Variants in PRTG observed in about 807,000 individuals in gnomAD.
PRTG encodes the protein protogenin.
A neutral mutation model predicts 122.5 loss-of-function variants in PRTG; 67 were observed. That is an observed-to-expected ratio of 0.55 (90% CI 0.45 to 0.67). The LOEUF (loss-of-function observed/expected upper bound fraction) is 0.67, where lower values mean the gene tolerates loss of function less well. Ranked by LOEUF, PRTG falls within the 30% of genes least tolerant of loss-of-function variation. The pLI, the probability that PRTG is intolerant of heterozygous loss-of-function variation, is 0.00. For missense variants in PRTG, 1,435 were observed against 1,415.4 expected (o/e 1.01, Z -0.22); for synonymous variants, 554 against 501.1 (o/e 1.11, Z -1.41).
chr15:55,640,483 A>C (rs944722780), intron 12 of PRTG, among the ~76,000 whole-genome samples: 1 of 152,210 alleles, frequency 6.6e-6, no homozygotes, highest in African/African-American at 2.4e-5. Context: ...AAAGACACTG[A>C]GAAAACCAGT....
At position 55,693,138 on chromosome 15, in the gene PRTG, C is replaced by T. The variant is rs534977540; in HGVS notation, c.398-9207G>A. 4.7e-4 allele frequency among the ~76,000 whole-genome samples: 71 copies of T among 152,086 alleles called. 1 individual carries two copies. The East Asian group carries it at 8.2e-3, about 18-fold the overall frequency. On this transcript the variant is annotated intron_variant, in intron 2 of 19. Coordinates refer to ENST00000389286, the MANE Select transcript of PRTG (RefSeq NM_173814.6). The stretch of plus-strand genomic sequence containing the variant: ...GGCTGGGATTACAGGCGTGAGCCAC[C>T]GCGCCAAGCCAAGGATATTTTTTTA...
At chr15:55,636,318 G>T (rs1212096882) in intron 15 of PRTG, among the ~76,000 whole-genome samples, 2 of 151,446 alleles carry the variant, frequency 1.3e-5, no homozygotes, top group African/African-American at 4.9e-5. Context: ...TTCATATGTG[G>T]ACCATTTTAG....
At chr15:55,692,077 T>C (rs187781024) in intron 2 of PRTG, among the ~76,000 whole-genome samples, 1 of 152,212 alleles carries the variant, frequency 6.6e-6, no homozygotes, top group African/African-American at 2.4e-5. Flanking sequence ...TAGAAAAGTA[T>C]GTAAACTCAG....
chr15:55,663,867 A>G (rs1393812905), intron 11 of PRTG, among the ~76,000 whole-genome samples: 1 of 152,116 alleles, frequency 6.6e-6, no homozygotes, highest in Non-Finnish European at 1.5e-5. Flanking sequence ...CAAGAGTGTC[A>G]TATGAATGAA....
intron 2 of PRTG, among the ~76,000 whole-genome samples, chr15:55,738,023 T>TACACACACACAC (rs1315571063): frequency 2.1e-5 from 2 of 96,198 alleles, no homozygotes; most frequent in African/African-American, 7.7e-5. Flanking sequence ...TATATATATA[T>TACACACACACAC]ATACACACAC....
intron 15 of PRTG, 24 bp from the exon 16 acceptor site, chr15:55,629,028 TAAGTG>T: frequency 6.6e-7 from 1 of 1,505,238 alleles, no homozygotes; most frequent in Non-Finnish European, 9.1e-7. Flanking sequence ...AATTACAAAT[TAAGTG>T]AACATTTATC....
intron 2 of PRTG, among the ~76,000 whole-genome samples, chr15:55,693,860 G>C (rs997830676): frequency 2.0e-5 from 3 of 152,078 alleles, no homozygotes; most frequent in African/African-American, 4.8e-5. Flanking sequence ...TGAATACACT[G>C]GTTTTATTTT....
Position 55,675,583 on chromosome 15 carries a change from T to C in PRTG, c.1482A>G (p.Val494=), listed in dbSNP as rs555196533. 1.9e-6 allele frequency: 3 copies of C among 1,611,616 alleles called. No homozygotes were observed. Among genetic ancestry groups the C allele is most frequent in the South Asian group, 1.1e-5 (1 of 90,948 alleles). ...GGCTGGCTCCCATTGGCATATATGC[T>C]ACAATGTAGAAAGTATAATTGCTGG... The part of the protein sequence containing the change: ...EPASNYTFYI[V]AYMPMGASQM... Residue 494 remains valine, a synonymous_variant, in exon 9 of 20, where the codon GTA becomes GTG. Coordinates refer to ENST00000389286, the MANE Select transcript of PRTG (RefSeq NM_173814.6).
At chr15:55,625,980 T>C (rs533822577) in intron 17 of PRTG, among the ~76,000 whole-genome samples, 39 of 152,140 alleles carry the variant, frequency 2.6e-4, no homozygotes, top group Non-Finnish European at 4.9e-4. Context: ...CTGAAACTCC[T>C]GGCCTCAAGG....
In PRTG at chr15:55,613,605, AG is replaced by A. The variant is rs2059129853; in HGVS notation, c.*6406del. On this transcript the variant is annotated 3_prime_UTR_variant, in exon 20 of 20. Transcript: ENST00000389286. ...GCCGCCTTAATCCCTCCTGTGAATA[AG>A]TGGATTTAAATAAGGTAGTCTTCTC... 1 of 152,056 alleles carries A rather than the reference AG, an allele frequency of 6.6e-6. No individual in the cohort carries two copies. Among genetic ancestry groups the A allele is most frequent in the African/African-American group, 2.4e-5 (1 of 41,438 alleles). 9.4% of individuals were successfully genotyped at this position (152,056 alleles called of 1,614,324 possible).
At chr15:55,698,384 G>T (rs1164182160) in intron 2 of PRTG, among the ~76,000 whole-genome samples, 1 of 151,992 alleles carries the variant, frequency 6.6e-6, no homozygotes, top group Non-Finnish European at 1.5e-5. Context: ...TCAACTTCCC[G>T]GGCTACAGCA....
In PRTG at chr15:55,739,606, A is replaced by G. The variant is rs114635178; in HGVS notation, c.397+776T>C. ...GTGTTTCATCACCTGAAAAAGATGTAAAGCCTCAGTGGGCATAAGGAGTTC... is the reference window on the plus strand; with the variant it reads ...GTGTTTCATCACCTGAAAAAGATGTGAAGCCTCAGTGGGCATAAGGAGTTC... On this transcript the variant is annotated intron_variant, in intron 2 of 19. Transcript: ENST00000389286. 2.7e-3 allele frequency among the ~76,000 whole-genome samples: 404 copies of G among 152,296 alleles called. 2 individuals carry two copies. The highest frequency in any genetic ancestry group is 9.3e-3 in the African/African-American group (388 of 41,568).
At chr15:55,661,883 T>C (rs1362339325) in intron 11 of PRTG, among the ~76,000 whole-genome samples, 1 of 105,756 alleles carries the variant, frequency 9.5e-6, no homozygotes, top group African/African-American at 3.4e-5. Flanking sequence ...AAAAGAAATC[T>C]TGCTTAATAC....
chr15:55,680,113 C>T lies in PRTG; in HGVS notation c.914G>A (p.Arg305Gln), dbSNP rs777584100. Reference protein sequence around the residue: ...RLQHAGVYVCRATTPGTRNFT... With the variant: ...RLQHAGVYVCQATTPGTRNFT... ...GTTGCGTGTGCCAGGGGTAGTGGCC[C>T]GACAAACATATACTCCAGCATGTTG... The change falls in exon 6 of 20, where the codon CGG becomes CAG. Residue 305 changes from arginine to glutamine, a missense_variant. Arg to Gln is a conservative substitution (Grantham distance 43). Coordinates refer to ENST00000389286, the MANE Select transcript of PRTG (RefSeq NM_173814.6). 6.8e-6 allele frequency: 11 copies of T among 1,613,390 alleles called. No homozygotes were observed. The highest frequency in any genetic ancestry group is 1.6e-4 in the Middle Eastern group (1 of 6,080).
chr15:55,715,600 A>G (rs1342466259), intron 2 of PRTG, among the ~76,000 whole-genome samples: 1 of 152,196 alleles, frequency 6.6e-6, no homozygotes, highest in East Asian at 1.9e-4. Context: ...TTTCCTTAAA[A>G]GAAGAGATAA....
chr15:55,704,256 G>A (rs2029997155), intron 2 of PRTG, among the ~76,000 whole-genome samples: 1 of 152,162 alleles, frequency 6.6e-6, no homozygotes, highest in African/African-American at 2.4e-5. Flanking sequence ...AACATTCCAT[G>A]CAATTTTACA....
At chr15:55,705,854 C>CTTTTTTTTTTTTT in intron 2 of PRTG, among the ~76,000 whole-genome samples, 1 of 125,426 alleles carries the variant, frequency 8.0e-6, no homozygotes, top group Non-Finnish European at 1.6e-5. Context: ...ACTTGCTATT[C>CTTTTTTTTTTTTT]TTTTTTTTTT....
intron 18 of PRTG, among the ~76,000 whole-genome samples, chr15:55,622,734 C>T (rs1488475045): frequency 6.6e-6 from 1 of 151,810 alleles, no homozygotes; most frequent in African/African-American, 2.4e-5. Flanking sequence ...TGGGGTTTCT[C>T]CATGTTGGTC....
intron 2 of PRTG, among the ~76,000 whole-genome samples, chr15:55,708,148 T>TTAA (rs1555435312): frequency 5.7e-5 from 4 of 70,040 alleles, no homozygotes; most frequent in Non-Finnish European, 2.9e-5. Flanking sequence ...AGTAAGCTGG[T>TTAA]AAAAAAAAAA....
Sources: allele counts gnomAD v4.1 joint callset (sites outside exome capture counted in the v4.1 genomes callset), GRCh38; gene constraint gnomAD v4.1.1; transcripts MANE v1.5; gene names NCBI Gene and HGNC (gene_info 2026-07-23, HGNC 2026-07-21).